Variants in SEC63 observed in about 807,000 individuals in gnomAD.
SEC63 encodes the protein SEC63 protein translocation regulator, also known as translocation protein SEC63 homolog.
SEC63 carries 56 observed loss-of-function variants against 116.2 expected under a neutral mutation model. The ratio of observed to expected loss-of-function variants is 0.48; its 90% CI spans 0.39 to 0.60. The LOEUF (loss-of-function observed/expected upper bound fraction) is 0.60, where lower values mean the gene tolerates loss of function less well. SEC63 is among the 20% of genes least tolerant of loss of function. The probability of loss-of-function intolerance (pLI) is 0.00; values close to 1 mark genes in which losing one functional copy is unlikely to be tolerated. For synonymous variants in SEC63, 273 were observed against 294.6 expected (o/e 0.93, Z 0.75); for missense variants, 668 against 900.0 (o/e 0.74, Z 3.30).
chr6:107,957,920 C>A lies in SEC63; in HGVS notation c.90G>T (p.Ala30=). The change falls in exon 1 of 21, where the codon GCG becomes GCT. Residue 30 remains alanine, a synonymous_variant. Transcript: ENST00000369002. ...GATCTCGGGGCCAGAGGTAGTATGT[C>A]GCCGGGATCACGATGAGCCCCACGA... ...TSFVGLIVIP[A]TYYLWPRDQN... The A allele has an allele frequency of 1.2e-6, 2 of 1,613,186 alleles. No individual in the cohort carries two copies. The highest frequency in any genetic ancestry group is 1.7e-6 in the Non-Finnish European group (2 of 1,179,496).
intron 4 of SEC63, among the ~76,000 whole-genome samples, chr6:107,917,226 A>G (rs955854137): frequency 6.6e-6 from 1 of 152,198 alleles, no homozygotes; most frequent in African/African-American, 2.4e-5. Context: ...ATTTCCCATA[A>G]GGGATACTTT....
chr6:107,937,896 T>C (rs953328532), intron 1 of SEC63, among the ~76,000 whole-genome samples: 3 of 152,212 alleles, frequency 2.0e-5, no homozygotes, highest in African/African-American at 7.2e-5. Flanking sequence ...TTTTGCTTGT[T>C]GAGTTGTTTA....
intron 16 of SEC63, among the ~76,000 whole-genome samples, chr6:107,885,032 G>A (rs140217142): frequency 1.1e-4 from 16 of 151,982 alleles, no homozygotes; most frequent in African/African-American, 3.6e-4. Context: ...ACAAAGAATA[G>A]CTACAAAAAA....
At chr6:107,934,185 G>A (rs35215638) in intron 1 of SEC63, among the ~76,000 whole-genome samples, 18 of 149,504 alleles carry the variant, frequency 1.2e-4, no homozygotes, top group Admixed American at 5.3e-4. Flanking sequence ...GCCACCCATC[G>A]TCTGGGACGT....
intron 8 of SEC63, among the ~76,000 whole-genome samples, chr6:107,907,788 T>C (rs140827198): frequency 1.2e-3 from 187 of 152,304 alleles, no homozygotes; most frequent in African/African-American, 4.4e-3. Flanking sequence ...CTCAAATGTT[T>C]ACTTAATAAC....
chr6:107,927,246 A>C (rs548306329), intron 2 of SEC63, among the ~76,000 whole-genome samples: 1 of 152,152 alleles, frequency 6.6e-6, no homozygotes, highest in East Asian at 1.9e-4. Context: ...GTATTTTTTT[A>C]GTAGAGACAG....
intron 3 of SEC63, among the ~76,000 whole-genome samples, chr6:107,923,001 A>AC (rs1478470262): frequency 6.6e-6 from 1 of 152,116 alleles, no homozygotes; most frequent in East Asian, 1.9e-4. Context: ...TCTTTAAAAA[A>AC]AAAAAAATTA....
In SEC63 at chr6:107,871,901, G is replaced by C. The variant is rs989190616; in HGVS notation, c.2140-54C>G. 5.7e-6 allele frequency: 9 copies of C among 1,583,496 alleles called. No individual in the cohort carries two copies. The East Asian group carries it at 2.0e-4, about 35-fold the overall frequency. The stretch of plus-strand genomic sequence containing the variant: ...AGAAATTTGGGGAGAAATAATGGAA[G>C]AAATCTTGGTAAACAAAAGGTTTTC... On this transcript the variant is annotated intron_variant, in intron 20 of 20. Transcript: ENST00000369002.
intron 18 of SEC63, chr6:107,877,119 GTATA>G (rs139429816): frequency 6.5e-6 from 1 of 153,208 alleles, no homozygotes; most frequent in African/African-American, 2.4e-5. Flanking sequence ...ATGTGTGTGT[GTATA>G]TATATATTTT....
At chr6:107,925,704 A>G (rs1384318227) in intron 2 of SEC63, among the ~76,000 whole-genome samples, 1 of 152,258 alleles carries the variant, frequency 6.6e-6, no homozygotes, top group East Asian at 1.9e-4. Context: ...TAAGGTATTA[A>G]AAGCCCTAAA....
chr6:107,908,336 AT>A (rs5878947), intron 8 of SEC63, among the ~76,000 whole-genome samples: 132,042 of 151,982 alleles, frequency 0.87, 57,525 homozygotes, highest in Middle Eastern at 0.92. Context: ...TGAAAATAGT[AT>A]TTTTTTTCTT....
At chr6:107,893,304 T>C (rs186008035) in intron 16 of SEC63, among the ~76,000 whole-genome samples, 178 bp downstream of exon 16, 28 of 151,610 alleles carry the variant, frequency 1.8e-4, no homozygotes, top group Middle Eastern at 3.4e-3. Flanking sequence ...TAGTGGGAGG[T>C]AGAGGGATGG....
At position 107,868,597 on chromosome 6, in the gene SEC63, AAG is replaced by A. The variant is rs754929374; in HGVS notation, c.*3105_*3106del. On this transcript the variant is annotated 3_prime_UTR_variant, in exon 21 of 21. Transcript: ENST00000369002. ...ACTCCGTCTTAAGAAGAAAAAGAGA[AAG>A]AGAGAAAAAAAGGCCAGCAAAATAA... 3.3e-5 allele frequency: 5 copies of A among 151,830 alleles called. No individual in the cohort carries two copies. The highest frequency in any genetic ancestry group is 7.4e-5 in the Non-Finnish European group (5 of 67,934). 9.4% of individuals were successfully genotyped at this position (151,830 alleles called of 1,614,324 possible). A position where few individuals can be genotyped will look rare whatever the true frequency, so the allele number is the denominator to read the frequency against.
chr6:107,956,248 C>T (rs1770708487), intron 1 of SEC63: 1 of 168,598 alleles, frequency 5.9e-6, no homozygotes, highest in Non-Finnish European at 1.3e-5. Context: ...CTGGCCAAAC[C>T]CACCGACTAC....
intron 16 of SEC63, among the ~76,000 whole-genome samples, chr6:107,884,521 A>T (rs1416473438): frequency 6.6e-6 from 1 of 152,126 alleles, no homozygotes; most frequent in Non-Finnish European, 1.5e-5. Flanking sequence ...GCTAAAATCA[A>T]TAAGAAAAAT....
chr6:107,903,142 CCAGAG>C, intron 11 of SEC63, 144 bp from the exon 12 acceptor site: 1 of 789,094 alleles, frequency 1.3e-6, no homozygotes, highest in South Asian at 1.5e-5. Flanking sequence ...TTAAAAGTTA[CCAGAG>C]AAGACACTAA....
Position 107,868,128 on chromosome 6 carries a change from A to ATGT in SEC63, c.*3573_*3575dup, listed in dbSNP as rs1341534091. ...GACTAATCACTACACAGCTGGCAAA[A>ATGT]TGTTATGGTTCACCAACAGTTATTT... On this transcript the variant is annotated 3_prime_UTR_variant, in exon 21 of 21. Transcript: ENST00000369002. 1.0e-4 allele frequency: 1 copy of ATGT among 10,042 alleles called. No individual in the cohort carries two copies. Among genetic ancestry groups the ATGT allele is most frequent in the East Asian group, 5.3e-4 (1 of 1,880 alleles). 0.6% of individuals were successfully genotyped at this position (10,042 alleles called of 1,614,324 possible). A position where few individuals can be genotyped will look rare whatever the true frequency, so the allele number is the denominator to read the frequency against.
chr6:107,908,299 A>G (rs4946875), intron 8 of SEC63, among the ~76,000 whole-genome samples: 117,356 of 152,036 alleles, frequency 0.77, 46,538 homozygotes, highest in South Asian at 0.9. Context: ...ATAAACTGCA[A>G]AGTTTGCTTT....
chr6:107,933,445 G>A (rs1376351769), intron 1 of SEC63, among the ~76,000 whole-genome samples: 2 of 152,042 alleles, frequency 1.3e-5, no homozygotes, highest in East Asian at 1.9e-4. Flanking sequence ...CAGAAAAAAA[G>A]ACAACCTAAA....
Sources: gnomAD v4.1 joint callset for allele counts (sites outside exome capture counted in the v4.1 genomes callset) on GRCh38, gnomAD v4.1.1 for gene constraint, MANE v1.5 for transcripts, NCBI Gene and HGNC (gene_info 2026-07-23, HGNC 2026-07-21) for gene names.